The following NRDE2 variants were observed in gnomAD, a reference collection of about 807,000 sequenced individuals.
NRDE2 encodes NRDE-2, necessary for RNA interference, domain containing.
A neutral mutation model predicts 124.2 loss-of-function variants in NRDE2; 76 were observed. The ratio of observed to expected loss-of-function variants is 0.61; its 90% CI spans 0.51 to 0.74. The LOEUF (loss-of-function observed/expected upper bound fraction) is 0.74. Among genes scored for constraint, NRDE2 ranks in the 30% least tolerant of loss-of-function variants. NRDE2 has a pLI of 0.00. For missense variants in NRDE2, 1,314 were observed against 1,417.3 expected, an observed-to-expected ratio of 0.93 and a Z score of 1.17; for synonymous variants, 489 against 528.1, an observed-to-expected ratio of 0.93 and a Z score of 1.01.
chr14:90,284,284 T>C (rs1892038410), intron 12 of NRDE2, among the ~76,000 whole-genome samples: 1 of 152,178 alleles, frequency 6.6e-6, no homozygotes, highest in South Asian at 2.1e-4. Flanking sequence ...TGAGAATTTA[T>C]CCTATGGAAA....
rs1892186662 is a variant in NRDE2 at position 90,288,786 on chromosome 14, A to G, written c.2589T>C (p.Thr863=). 1.9e-6 allele frequency: 3 copies of G among 1,614,138 alleles called. No homozygotes were observed. The highest frequency in any genetic ancestry group is 2.5e-6 in the Non-Finnish European group (3 of 1,180,032). ...LTESSPYGPY[T]GQVLAVHILK... ...AAATGTGAACAGCCAACACCTGTCC[A>G]GTGTAGGGCCCATAGGGGCTGCTCT... is the stretch of plus-strand genomic sequence containing the variant. The change falls in exon 11 of 14, where the codon ACT becomes ACC. Residue 863 remains threonine (T), a synonymous_variant. Transcript: ENST00000354366.
In NRDE2 at chr14:90,278,085, C is replaced by T. The variant is rs529317380; in HGVS notation, c.*251G>A. ...TCAATCATCATCGGTTTAATGACCA[C>T]GTGGCATGACTCTCTGGCTATGTAC... On this transcript the variant is annotated 3_prime_UTR_variant, in exon 14 of 14. Coordinates refer to ENST00000354366, the MANE Select transcript of NRDE2 (RefSeq NM_017970.4). 54 of 369,872 alleles carry T rather than the reference C, an allele frequency of 1.5e-4. No homozygotes were observed. The highest frequency in any genetic ancestry group is 2.2e-4 in the Non-Finnish European group (43 of 195,602). 22.9% of individuals were successfully genotyped at this position (369,872 alleles called of 1,614,324 possible).
chr14:90,312,350 G>T (rs1269513738), intron 4 of NRDE2, 44 bp downstream of exon 4: 2 of 1,600,910 alleles, frequency 1.2e-6, no homozygotes, highest in East Asian at 4.5e-5. Context: ...GGAGAAAAAA[G>T]TCACTTTCCT....
In NRDE2 at chr14:90,288,734, C is replaced by A. The variant is rs762627864; in HGVS notation, c.2641G>T (p.Ala881Ser). The stretch of plus-strand genomic sequence containing the variant: ...CTGTCACCCAAACAGTCCTGCAGTG[C>A]GTGCTCATAAGCCTTTCGCGCTTTC... ...ILKARKAYEH[A>S]LQDCLGDSCV... Residue 881 changes from alanine to serine, a missense_variant, in exon 11 of 14, where the codon GCA becomes TCA. Ala to Ser is a moderately conservative substitution (Grantham distance 99, BLOSUM62 1). Coordinates refer to ENST00000354366, the MANE Select transcript of NRDE2 (RefSeq NM_017970.4). The A allele has an allele frequency of 6.2e-7, 1 of 1,614,032 alleles. No homozygotes were observed. Among genetic ancestry groups the A allele is most frequent in the Non-Finnish European group, 8.5e-7 (1 of 1,180,028 alleles).
In NRDE2 at chr14:90,278,370, G is replaced by A. The variant is rs781279325; in HGVS notation, c.3461C>T (p.Pro1154Leu). 25 of 1,613,928 alleles carry A rather than the reference G, an allele frequency of 1.5e-5. No homozygotes were observed. The highest frequency in any genetic ancestry group is 4.5e-5 in the East Asian group (2 of 44,884). The change falls in exon 14 of 14, where the codon CCG becomes CTG. Residue 1154 changes from proline (P) to leucine (L), a missense_variant. By Grantham distance (98) the Pro-to-Leu change is moderately conservative. Transcript: ENST00000354366. ...MTEKELRVRL[P>L]LEELELLLED Reference sequence around the variant, plus strand: ...CAGCAGCAGCTCCAGCTCCTCCAGCGGCAGGCGCACCCGGAGCTCCTTCTC... The same window carrying A: ...CAGCAGCAGCTCCAGCTCCTCCAGCAGCAGGCGCACCCGGAGCTCCTTCTC...
chr14:90,272,097 T>C lies in NRDE2; in HGVS notation c.*6239A>G. The C allele has an allele frequency of 2.0e-6, 1 of 506,236 alleles. No individual in the cohort carries two copies. Among genetic ancestry groups the C allele is most frequent in the Non-Finnish European group, 3.5e-6 (1 of 287,426 alleles). The allele number at this position is 506,236 out of a possible 1,614,324, so 31.4% of individuals were successfully genotyped here. On this transcript the variant is annotated 3_prime_UTR_variant, in exon 14 of 14. Transcript: ENST00000354366. This position sits in a 1 kb window ranked among gnomAD's most constrained non-coding sequence, Gnocchi z 4.5. ...TTAGTAGAGATGGGGTTTCACCGTG[T>C]TGGCCAGGCTGGTCTTGAACTCCTG...
Position 90,298,244 on chromosome 14 carries a change from A to G in NRDE2, c.1666+16T>C. On this transcript the variant is annotated intron_variant, in intron 8 of 13. Transcript: ENST00000354366. ...GAAGAAACAGAAGTACACGTCTTCA[A>G]TGAGAGGTGACTTACCTGGGTTGAT... 6.2e-7 allele frequency: 1 copy of G among 1,612,212 alleles called. No individual in the cohort carries two copies. Among genetic ancestry groups the G allele is most frequent in the Non-Finnish European group, 8.5e-7 (1 of 1,179,350 alleles).
chr14:90,298,685 C>T (rs1215741207), intron 7 of NRDE2, among the ~76,000 whole-genome samples: 3 of 152,118 alleles, frequency 2.0e-5, no homozygotes, highest in South Asian at 4.1e-4. Context: ...GGGTCACTCC[C>T]GGGATTAGGT....
intron 3 of NRDE2, among the ~76,000 whole-genome samples, chr14:90,316,255 C>T (rs964174645): frequency 6.6e-6 from 1 of 152,110 alleles, no homozygotes; most frequent in Non-Finnish European, 1.5e-5. Flanking sequence ...TGGAGACCCA[C>T]GGCCCTCAGA....
chr14:90,298,462 TAAGAG>T (rs1595063856), intron 7 of NRDE2, 82 bp from the exon 8 acceptor site: 6 of 1,359,872 alleles, frequency 4.4e-6, no homozygotes, highest in Non-Finnish European at 6.3e-6. Flanking sequence ...CTGGTGGATA[TAAGAG>T]AAGCTTATGA....
In NRDE2 at chr14:90,268,397, G is replaced by A. The variant is rs148097391; in HGVS notation, c.*9939C>T. 4 of 1,613,166 alleles carry A rather than the reference G, an allele frequency of 2.5e-6. No individual in the cohort carries two copies. The highest frequency in any genetic ancestry group is 2.2e-5 in the South Asian group (2 of 90,852). On this transcript the variant is annotated 3_prime_UTR_variant, in exon 14 of 14. Coordinates refer to ENST00000354366, the MANE Select transcript of NRDE2 (RefSeq NM_017970.4). The stretch of plus-strand genomic sequence containing the variant: ...CATCGTGTTTATTGATGAAATTGAC[G>A]CCATTGGGACAAAAAGGTAGACTTT...
At chr14:90,312,768 C>T (rs34339169) in intron 3 of NRDE2, among the ~76,000 whole-genome samples, 6 of 152,170 alleles carry the variant, frequency 3.9e-5, no homozygotes, top group Non-Finnish European at 8.8e-5. Context: ...CTAAATGACA[C>T]TCTACCAACA....
intron 13 of NRDE2, chr14:90,278,850 C>A: frequency 1.6e-6 from 1 of 619,752 alleles, no homozygotes; most frequent in Non-Finnish European, 2.9e-6. Context: ...GCAACACTTC[C>A]ATGAAGCACC....
chr14:90,330,481 G>A (rs1165483336), intron 1 of NRDE2, among the ~76,000 whole-genome samples: 1 of 152,152 alleles, frequency 6.6e-6, no homozygotes, highest in Non-Finnish European at 1.5e-5. Context: ...AGTCTAGTAA[G>A]GGAAGACAAC....
Position 90,289,109 on chromosome 14 carries a change from A to T in NRDE2, c.2266T>A (p.Leu756Ile), listed in dbSNP as rs753534083. Residue 756 changes from leucine (L) to isoleucine (I), a missense_variant, in exon 11 of 14, where the codon TTA becomes ATA. Physicochemically the swap from Leu to Ile is conservative, Grantham distance 5. Coordinates refer to ENST00000354366, the MANE Select transcript of NRDE2 (RefSeq NM_017970.4). ...TTGCAGTTCTTCCCTTGAGACTTTA[A>T]TCTCTTCTTGTTTTTAGTGTGCAGG... is the stretch of plus-strand genomic sequence containing the variant. ...WCLHTKNKKRLKSQGKNCKKL... is the reference protein window; with the variant it reads ...WCLHTKNKKRIKSQGKNCKKL... The T allele has an allele frequency of 5.6e-6, 9 of 1,610,706 alleles. No individual in the cohort carries two copies. In the Admixed American group the frequency reaches 1.5e-4, roughly 27 times the overall value.
intron 9 of NRDE2, among the ~76,000 whole-genome samples, chr14:90,292,460 C>T (rs1892295987): frequency 6.6e-6 from 1 of 152,238 alleles, no homozygotes; most frequent in Admixed American, 6.5e-5. Context: ...GGGACAGAAG[C>T]TCTCTGGTCA....
At chr14:90,331,067 T>C (rs897167934) in intron 1 of NRDE2, among the ~76,000 whole-genome samples, 1 of 151,888 alleles carries the variant, frequency 6.6e-6, no homozygotes, top group Admixed American at 6.6e-5. Flanking sequence ...GCTGATACTA[T>C]AGGTGTGCAC....
intron 1 of NRDE2, among the ~76,000 whole-genome samples, chr14:90,327,962 T>C (rs902605362): frequency 6.6e-6 from 1 of 151,976 alleles, no homozygotes; most frequent in Non-Finnish European, 1.5e-5. Context: ...GCTAACATGG[T>C]GAAACCCCCT....
chr14:90,271,592 G>C lies in NRDE2; in HGVS notation c.*6744C>G, dbSNP rs1891664889. 1 of 152,098 alleles carries C rather than the reference G, an allele frequency of 6.6e-6. No homozygotes were observed. The highest frequency in any genetic ancestry group is 2.4e-5 in the African/African-American group (1 of 41,404). 9.4% of individuals were successfully genotyped at this position (152,098 alleles called of 1,614,324 possible). A position where few individuals can be genotyped will look rare whatever the true frequency, so the allele number is the denominator to read the frequency against. ...TTTATGACTATAAGTAAATGAAATAGACATATACTGTCAATTGCCTCTAAG... is the reference window on the plus strand; with the variant it reads ...TTTATGACTATAAGTAAATGAAATACACATATACTGTCAATTGCCTCTAAG... On this transcript the variant is annotated 3_prime_UTR_variant, in exon 14 of 14. Coordinates refer to ENST00000354366, the MANE Select transcript of NRDE2 (RefSeq NM_017970.4).
Sources: gnomAD v4.1 joint callset for allele counts (sites outside exome capture counted in the v4.1 genomes callset) on GRCh38, gnomAD v4.1.1 for gene constraint, Gnocchi (gnomAD v3.1) non-coding constraint, MANE v1.5 for transcripts, NCBI Gene and HGNC (gene_info 2026-07-23, HGNC 2026-07-21) for gene names.